PDE12: variants seen among roughly 807,000 people sequenced by gnomAD.
PDE12 encodes phosphodiesterase 12.
PDE12 carries 26 observed loss-of-function variants against 45.4 expected under a neutral mutation model. That is an observed-to-expected ratio of 0.57 (90% CI 0.42 to 0.79). The LOEUF is 0.79. Ranked by LOEUF, PDE12 falls within the 30% of genes least tolerant of loss-of-function variation. The pLI is 0.00. For missense variants in PDE12, 668 were observed against 790.0 expected, an observed-to-expected ratio of 0.85 and a Z score of 1.85; for synonymous variants, 283 against 323.9, an observed-to-expected ratio of 0.87 and a Z score of 1.36.
the PDE12 span, among the ~76,000 whole-genome samples, chr3:57,573,086 C>G: frequency 1.3e-5 from 2 of 151,460 alleles, no homozygotes; most frequent in Non-Finnish European, 2.9e-5. Context: ...CCTGTAGTCC[C>G]AGCTACTCAG....
At chr3:57,656,368 A>T in the PDE12 span, among the ~76,000 whole-genome samples, 1 of 152,024 alleles carries the variant, frequency 6.6e-6, no homozygotes, top group Admixed American at 6.6e-5. Context: ...TCTTTTTTTT[A>T]ACTGCTGAAT....
chr3:57,622,092 C>T, the PDE12 span, among the ~76,000 whole-genome samples: 2 of 152,212 alleles, frequency 1.3e-5, no homozygotes, highest in South Asian at 4.1e-4. Flanking sequence ...AGGAGAATCA[C>T]TTGAACCCGG....
downstream of PDE12, chr3:57,571,712 C>T (rs903083102): frequency 1.3e-5 from 2 of 153,044 alleles, no homozygotes; most frequent in Non-Finnish European, 2.9e-5. Flanking sequence ...GAAAAATTTC[C>T]TCAGTGCAAG....
chr3:57,575,507 C>G, the PDE12 span: 1 of 1,574,330 alleles, frequency 6.4e-7, no homozygotes, highest in South Asian at 1.2e-5. Context: ...CCTAGTAAGT[C>G]TTAATAGTCA....
the PDE12 span, among the ~76,000 whole-genome samples, chr3:57,594,313 C>G: frequency 6.6e-6 from 1 of 152,182 alleles, no homozygotes; most frequent in African/African-American, 2.4e-5. Flanking sequence ...GTTGACCAGG[C>G]TGGCCTCAAT....
the PDE12 span, among the ~76,000 whole-genome samples, chr3:57,607,421 C>T: frequency 6.6e-6 from 1 of 152,252 alleles, no homozygotes; most frequent in African/African-American, 2.4e-5. Flanking sequence ...GAGAAGAAGG[C>T]TTCAGACGAT....
At chr3:57,569,498 A>T (rs1476820676), downstream of PDE12, among the ~76,000 whole-genome samples, 1 of 151,936 alleles carries the variant, frequency 6.6e-6, no homozygotes, top group Non-Finnish European at 1.5e-5. Context: ...GATTACAGGC[A>T]TGCACCACCA....
At position 57,564,430 on chromosome 3, in the gene PDE12, T is replaced by G. The variant is rs1331960490; in HGVS notation, c.*4426T>G. On this transcript the variant is annotated 3_prime_UTR_variant, in exon 3 of 3. Transcript: ENST00000311180. ...TCATCTCTATCTTCTGTCCAATTTATGTAATGAATGTATGTCAAAGCATTT... is the reference window on the plus strand; with the variant it reads ...TCATCTCTATCTTCTGTCCAATTTAGGTAATGAATGTATGTCAAAGCATTT... The G allele has an allele frequency of 6.6e-6, 1 of 152,216 alleles. No homozygotes were observed. Among genetic ancestry groups the G allele is most frequent in the Admixed American group, 6.5e-5 (1 of 15,278 alleles). The allele number at this position is 152,216 out of a possible 1,614,324, so 9.4% of individuals were successfully genotyped here. A position where few individuals can be genotyped will look rare whatever the true frequency, so the allele number is the denominator to read the frequency against.
the PDE12 span, chr3:57,645,674 G>A: frequency 8.4e-4 from 1,354 of 1,611,496 alleles, 2 homozygotes; most frequent in Middle Eastern, 1.2e-3. Flanking sequence ...GCTTGGGTAC[G>A]GGTAGTATAT....
chr3:57,636,652 G>C, the PDE12 span, among the ~76,000 whole-genome samples: 128 of 152,166 alleles, frequency 8.4e-4, no homozygotes, highest in African/African-American at 2.8e-3. Flanking sequence ...GAGATAAAAA[G>C]TTGGCCGGGC....
At chr3:57,618,805 A>G in the PDE12 span, among the ~76,000 whole-genome samples, 1 of 151,224 alleles carries the variant, frequency 6.6e-6, no homozygotes, top group Non-Finnish European at 1.5e-5. Flanking sequence ...ACAGGGTTTC[A>G]CCATGTTGCC....
At chr3:57,583,168 C>G in the PDE12 span, among the ~76,000 whole-genome samples, 1 of 152,202 alleles carries the variant, frequency 6.6e-6, no homozygotes, top group Non-Finnish European at 1.5e-5. Context: ...CGAGAACTTG[C>G]TAGAAATACA....
In PDE12 at chr3:57,564,095, A is replaced by T. The variant is rs926906155; in HGVS notation, c.*4091A>T. ...AAATAACCATACAGTACTGCTTGTA[A>T]TTTTTGTATTTTTAGTAGAGACAGG... On this transcript the variant is annotated 3_prime_UTR_variant, in exon 3 of 3. Coordinates refer to ENST00000311180, the MANE Select transcript of PDE12 (RefSeq NM_177966.7). 1 of 151,948 alleles carries T rather than the reference A, an allele frequency of 6.6e-6. No homozygotes were observed. Among genetic ancestry groups the T allele is most frequent in the Non-Finnish European group, 1.5e-5 (1 of 67,974 alleles). The allele number at this position is 151,948 out of a possible 1,614,324, so 9.4% of individuals were successfully genotyped here.
the PDE12 span, among the ~76,000 whole-genome samples, chr3:57,602,969 C>G: frequency 1.3e-5 from 2 of 151,910 alleles, no homozygotes; most frequent in Admixed American, 1.3e-4. Context: ...GAGTTTGAGA[C>G]CAACCTGGCC....
the PDE12 span, among the ~76,000 whole-genome samples, chr3:57,604,626 T>TGG: frequency 3.1e-5 from 1 of 32,020 alleles, no homozygotes; most frequent in African/African-American, 2.0e-4. Flanking sequence ...TTGGGGGGGG[T>TGG]GGGTGGGACA....
the PDE12 span, chr3:57,597,883 C>A: frequency 6.6e-6 from 1 of 152,174 alleles, no homozygotes; most frequent in African/African-American, 2.4e-5. Flanking sequence ...CGGTCTTTTG[C>A]GGAGAAAAGT....
chr3:57,612,694 CG>C, the PDE12 span, among the ~76,000 whole-genome samples: 33 of 148,878 alleles, frequency 2.2e-4, no homozygotes, highest in Non-Finnish European at 1.0e-4. Context: ...TCACTTGAAC[CG>C]GGGAAGTGGA....
chr3:57,586,218 C>T, the PDE12 span, among the ~76,000 whole-genome samples: 13 of 152,138 alleles, frequency 8.5e-5, no homozygotes, highest in Non-Finnish European at 1.6e-4. Context: ...TCATATCTGG[C>T]CGCCTGGGTT....
chr3:57,620,618 A>G, the PDE12 span, among the ~76,000 whole-genome samples: 1 of 152,216 alleles, frequency 6.6e-6, no homozygotes, highest in Non-Finnish European at 1.5e-5. Context: ...ATAAATGAGT[A>G]TAGCAAGATT....
Sources: gnomAD v4.1 joint callset for allele counts (sites outside exome capture counted in the v4.1 genomes callset) on GRCh38, gnomAD v4.1.1 for gene constraint, MANE v1.5 for transcripts, NCBI Gene and HGNC (gene_info 2026-07-23, HGNC 2026-07-21) for gene names.